The following WNT5B variants were observed in gnomAD, a reference collection of about 807,000 sequenced individuals.
WNT5B encodes the protein Wnt family member 5B, also known as protein Wnt-5b.
WNT5B carries 18 observed loss-of-function variants against 36.5 expected under a neutral mutation model. The observed-to-expected ratio is 0.49, with a 90% CI of 0.34 to 0.73. WNT5B has a LOEUF of 0.73. Ranked by LOEUF, WNT5B falls within the 30% of genes least tolerant of loss-of-function variation. The pLI, the probability that WNT5B is intolerant of heterozygous loss-of-function variation, is 0.01. For synonymous variants in WNT5B, 213 were observed against 212.3 expected (o/e 1.00, Z -0.03); for missense variants, 424 against 508.4 (o/e 0.83, Z 1.60).
At chr12:1,622,689 A>G (rs1592515441) in intron 1 of WNT5B, among the ~76,000 whole-genome samples, 1 of 152,010 alleles carries the variant, frequency 6.6e-6, no homozygotes, top group Non-Finnish European at 1.5e-5. Context: ...GTCAACAAAT[A>G]TTTTTCTAGC....
chr12:1,617,553 A>C (rs150703621), intron 1 of WNT5B, among the ~76,000 whole-genome samples: 1 of 152,004 alleles, frequency 6.6e-6, no homozygotes. Flanking sequence ...TCACCTGACC[A>C]CAGAGAGATC....
In WNT5B at chr12:1,646,280, G is replaced by A; in HGVS notation, c.*28G>A. On this transcript the variant is annotated 3_prime_UTR_variant, in exon 5 of 5. Transcript: ENST00000397196. ...CGGAGGGCCTGCTCCCGGCCCCCCTGCACTCTGCCTCACAAAGGTCTATAT... is the reference window on the plus strand; with the variant it reads ...CGGAGGGCCTGCTCCCGGCCCCCCTACACTCTGCCTCACAAAGGTCTATAT... The A allele has an allele frequency of 6.4e-7, 1 of 1,568,978 alleles. No homozygotes were observed. The highest frequency in any genetic ancestry group is 8.6e-7 in the Non-Finnish European group (1 of 1,158,552).
At chr12:1,643,458 C>T (rs1001547181) in intron 4 of WNT5B, among the ~76,000 whole-genome samples, 1 of 152,104 alleles carries the variant, frequency 6.6e-6, no homozygotes, top group Admixed American at 6.6e-5. Flanking sequence ...CTCTGCTTCC[C>T]AGGTTCAAGC....
In WNT5B at chr12:1,618,045, G is replaced by T. The variant is rs1323290614; in HGVS notation, c.-58+902G>T. On this transcript the variant is annotated intron_variant, in intron 1 of 4. Transcript: ENST00000310594. The surrounding 1 kb of genome is among the most constrained non-coding windows in gnomAD (Gnocchi z 4.1). ...TAGTCCCAGCTACTCAGGAGGCTGA[G>T]GTGGGAGGATCGCTTGAGCCCAGGA... Among the ~76,000 whole-genome samples, 1 of 152,196 alleles carries T rather than the reference G, an allele frequency of 6.6e-6. No homozygotes were observed. The highest frequency in any genetic ancestry group is 2.4e-5 in the African/African-American group (1 of 41,444).
At chr12:1,642,909 T>G (rs1208304422) in intron 4 of WNT5B, among the ~76,000 whole-genome samples, 2 of 152,088 alleles carry the variant, frequency 1.3e-5, no homozygotes, top group Non-Finnish European at 2.9e-5. Flanking sequence ...CCCCCTTTAT[T>G]TTTTATCCTC....
At chr12:1,642,751 T>C (rs1257888605) in intron 4 of WNT5B, among the ~76,000 whole-genome samples, 1 of 152,192 alleles carries the variant, frequency 6.6e-6, no homozygotes, top group African/African-American at 2.4e-5. Context: ...TCTGGCAGCC[T>C]TCCCTCCCAT....
chr12:1,633,034 C>A lies in WNT5B; in HGVS notation c.328+129C>A. On this transcript the variant is annotated intron_variant, in intron 3 of 4. Transcript: ENST00000397196. This position sits in a 1 kb window ranked among gnomAD's most constrained non-coding sequence, Gnocchi z 4.8. Reference sequence around the variant, plus strand: ...CTAAGTGGGCTCTCTCTAGGCTTGGCAGCAGTGTGCACCACGAGAGAGGCA... The same window carrying A: ...CTAAGTGGGCTCTCTCTAGGCTTGGAAGCAGTGTGCACCACGAGAGAGGCA... 3 of 1,351,164 alleles carry A rather than the reference C, an allele frequency of 2.2e-6. No homozygotes were observed. Among genetic ancestry groups the A allele is most frequent in the South Asian group, 1.5e-5 (1 of 68,196 alleles). 83.7% of individuals were successfully genotyped at this position (1,351,164 alleles called of 1,614,324 possible).
Position 1,631,397 on chromosome 12 carries a change from A to G in WNT5B, c.43A>G (p.Ser15Gly). The G allele has an allele frequency of 1.2e-6, 2 of 1,614,162 alleles. No individual in the cohort carries two copies. Among genetic ancestry groups the G allele is most frequent in the African/African-American group, 2.7e-5 (2 of 75,066 alleles). Reference protein sequence around the residue: ...LLLFTAALLSSWAQLLTDANS... With the variant: ...LLLFTAALLSGWAQLLTDANS... ...GCTGTTCACGGCTGCTCTGCTGTCCAGCTGGGCTCAGCTTCTGACAGACGC... is the reference window on the plus strand; with the variant it reads ...GCTGTTCACGGCTGCTCTGCTGTCCGGCTGGGCTCAGCTTCTGACAGACGC... The change falls in exon 2 of 5, where the codon AGC becomes GGC. Residue 15 changes from serine (S) to glycine (G), a missense_variant. Ser to Gly is a moderately conservative substitution (Grantham distance 56). Transcript: ENST00000397196.
Position 1,630,217 on chromosome 12 carries a change from C to T in WNT5B, c.-58+846C>T. On this transcript the variant is annotated intron_variant, in intron 1 of 4. Transcript: ENST00000397196. The surrounding 1 kb of genome is among the most constrained non-coding windows in gnomAD (Gnocchi z 5.3). ...CAGTGAGCCGGGGCGCGCGGGGCTGCGCTCGTCAGGTCCGGGGCCCCGGGG... is the reference window on the plus strand; with the variant it reads ...CAGTGAGCCGGGGCGCGCGGGGCTGTGCTCGTCAGGTCCGGGGCCCCGGGG... 1.0e-6 allele frequency: 1 copy of T among 985,276 alleles called. No individual in the cohort carries two copies. The highest frequency in any genetic ancestry group is 1.7e-5 in the African/African-American group (1 of 57,306). The allele number at this position is 985,276 out of a possible 1,614,324, so 61.0% of individuals were successfully genotyped here. A position where few individuals can be genotyped will look rare whatever the true frequency, so the allele number is the denominator to read the frequency against.
chr12:1,638,559 T>C (rs1565609989), intron 3 of WNT5B, among the ~76,000 whole-genome samples: 1 of 152,208 alleles, frequency 6.6e-6, no homozygotes, highest in East Asian at 1.9e-4. Context: ...ATGTCCCTGA[T>C]AGCTGAGTAT....
upstream of WNT5B, among the ~76,000 whole-genome samples, chr12:1,625,647 T>C (rs886304296): frequency 5.3e-5 from 8 of 152,138 alleles, no homozygotes; most frequent in Non-Finnish European, 7.4e-5. Flanking sequence ...AAATTGCAAA[T>C]GTACTTTTAT....
chr12:1,623,891 AC>A lies in WNT5B; in HGVS notation c.-58+6751del, dbSNP rs2094537662. On this transcript the variant is annotated intron_variant, in intron 1 of 4. Transcript: ENST00000310594. ...CTTTAAGCAGCCTGGCCTGTTCTCA[AC>A]CCACATATCATTTTGGCTAGGGGAG... Among the ~76,000 whole-genome samples, 3 of 152,074 alleles carry A rather than the reference AC, an allele frequency of 2.0e-5. No homozygotes were observed. In the South Asian group the frequency reaches 6.2e-4, roughly 32 times the overall value.
At chr12:1,637,508 C>A (rs375126623) in intron 3 of WNT5B, among the ~76,000 whole-genome samples, 1 of 146,598 alleles carries the variant, frequency 6.8e-6, no homozygotes, top group Non-Finnish European at 1.5e-5. Context: ...GAGGCCCAGG[C>A]GGGCGGATCA....
chr12:1,636,117 C>A (rs1367751244), intron 3 of WNT5B, among the ~76,000 whole-genome samples: 1 of 152,130 alleles, frequency 6.6e-6, no homozygotes, highest in Non-Finnish European at 1.5e-5. Context: ...GAATCACTCC[C>A]TTCTCTCCAT....
At position 1,632,685 on chromosome 12, in the gene WNT5B, A is replaced by G; in HGVS notation, c.108A>G (p.Arg36=). ...CATTAGCTTTGAACCCGGTGCAGAG[A>G]CCCGAGATGTTTATCATCGGTGCCC... The part of the protein sequence containing the change: ...WWSLALNPVQ[R]PEMFIIGAQP... The change falls in exon 3 of 5, where the codon AGA becomes AGG. Residue 36 remains arginine (R), a synonymous_variant. Transcript: ENST00000397196. The surrounding 1 kb of genome is among the most constrained non-coding windows in gnomAD (Gnocchi z 5.8). 6.2e-7 allele frequency: 1 copy of G among 1,608,522 alleles called. No homozygotes were observed. Among genetic ancestry groups the G allele is most frequent in the Non-Finnish European group, 8.5e-7 (1 of 1,175,268 alleles).
intron 4 of WNT5B, among the ~76,000 whole-genome samples, chr12:1,642,262 A>G (rs982501677): frequency 6.6e-6 from 1 of 152,178 alleles, no homozygotes; most frequent in African/African-American, 2.4e-5. Context: ...CCTGAGGAGT[A>G]GAGATGTCAA....
At chr12:1,634,051 A>T (rs191512290) in intron 3 of WNT5B, among the ~76,000 whole-genome samples, 3,040 of 151,348 alleles carry the variant, frequency 0.02, 88 homozygotes, top group African/African-American at 0.061. Flanking sequence ...TATAAAAAAA[A>T]TTTTTTTTTT....
At chr12:1,620,687 C>T (rs568936654) in intron 1 of WNT5B, among the ~76,000 whole-genome samples, 41 of 148,790 alleles carry the variant, frequency 2.8e-4, no homozygotes, top group African/African-American at 9.4e-4. Flanking sequence ...TACAGGCACC[C>T]GCCACCACAC....
At position 1,639,689 on chromosome 12, in the gene WNT5B, C is replaced by G. The variant is rs906923865; in HGVS notation, c.334C>G (p.Arg112Gly). 6 of 1,557,130 alleles carry G rather than the reference C, an allele frequency of 3.9e-6. 1 individual carries two copies. The highest frequency in any genetic ancestry group is 2.4e-5 in the South Asian group (2 of 84,916). The change falls in exon 4 of 5, where the codon CGA becomes GGA. Residue 112 changes from arginine (R) to glycine (G), a missense_variant. Coordinates refer to ENST00000397196, the MANE Select transcript of WNT5B (RefSeq NM_032642.3). ...GCCCTGGCCTCATTCTGCAGGCAGC[C>G]GAGAGACCGCCTTCACCCACGCGGT... ...VFGRVMQIGSRETAFTHAVSA... is the reference protein window; with the variant it reads ...VFGRVMQIGSGETAFTHAVSA...
Sources: allele counts gnomAD v4.1 joint callset (sites outside exome capture counted in the v4.1 genomes callset), GRCh38; gene constraint gnomAD v4.1.1; non-coding constraint Gnocchi (gnomAD v3.1); transcripts MANE v1.5; gene names NCBI Gene and HGNC (gene_info 2026-07-23, HGNC 2026-07-21).